NAE1: variants seen among roughly 807,000 people sequenced by gnomAD.
The protein encoded by NAE1 is NEDD8-activating enzyme E1 regulatory subunit.
NAE1 carries 59 observed loss-of-function variants against 88.0 expected under a neutral mutation model. The ratio of observed to expected loss-of-function variants is 0.67; its 90% CI spans 0.54 to 0.83. The LOEUF (loss-of-function observed/expected upper bound fraction) is 0.83. Among genes scored for constraint, NAE1 ranks in the 40% least tolerant of loss-of-function variants. The pLI, the probability that NAE1 is intolerant of heterozygous loss-of-function variation, is 0.00. For missense variants in NAE1, 554 were observed against 632.8 expected, an observed-to-expected ratio of 0.88 and a Z score of 1.34; for synonymous variants, 186 against 208.9, an observed-to-expected ratio of 0.89 and a Z score of 0.95.
chr16:66,826,832 C>G, intron 1 of NAE1, 52 bp from the exon 2 acceptor site: 1 of 1,516,360 alleles, frequency 6.6e-7, no homozygotes, highest in Non-Finnish European at 9.0e-7. Context: ...GAAAATACAG[C>G]TTTCTTATTT....
chr16:66,817,517 A>C (rs773101089), intron 8 of NAE1, 30 bp from the exon 9 acceptor site: 1 of 1,437,994 alleles, frequency 7.0e-7, no homozygotes, highest in East Asian at 2.3e-5. Context: ...AAAAGAAAAT[A>C]TCAGTATTAT....
At chr16:66,826,388 C>G (rs1960463957) in intron 3 of NAE1, 135 bp downstream of exon 3, 2 of 773,958 alleles carry the variant, frequency 2.6e-6, no homozygotes, top group South Asian at 1.7e-5. Context: ...CCTATATTAT[C>G]TCACTTCCTC....
At chr16:66,820,900 C>CAAAA (rs35671399) in intron 7 of NAE1, among the ~76,000 whole-genome samples, 4 of 73,284 alleles carry the variant, frequency 5.5e-5, no homozygotes, top group Non-Finnish European at 5.8e-5. Flanking sequence ...GACTCCGTCT[C>CAAAA]AAAAAAAAAA....
At chr16:66,812,506 CTAAGTTCT>C (rs1567490050) in intron 13 of NAE1, among the ~76,000 whole-genome samples, 2 of 149,838 alleles carry the variant, frequency 1.3e-5, no homozygotes, top group African/African-American at 4.9e-5. Context: ...GAATTGCCCC[CTAAGTTCT>C]TTTTTTTTTT....
rs1346231163 is a variant in NAE1, at chr16:66,805,892, A to G, written c.1445+20T>C. The stretch of plus-strand genomic sequence containing the variant: ...TGACAGGTGTGGAATCATCTCCTAG[A>G]TACCCTAAAAAATACTCACAATTCG... On this transcript the variant is annotated intron_variant, in intron 18 of 19. Transcript: ENST00000290810. 1.9e-6 allele frequency: 3 copies of G among 1,606,128 alleles called. No individual in the cohort carries two copies. The highest frequency in any genetic ancestry group is 2.3e-5 in the South Asian group (2 of 88,864).
chr16:66,809,573 T>C (rs1218046967), intron 15 of NAE1, among the ~76,000 whole-genome samples: 1 of 152,158 alleles, frequency 6.6e-6, no homozygotes, highest in Non-Finnish European at 1.5e-5. Context: ...GAATAATAAA[T>C]GTTCAAATAC....
chr16:66,810,441 T>C, intron 14 of NAE1, 28 bp from the exon 15 acceptor site: 2 of 1,582,902 alleles, frequency 1.3e-6, no homozygotes, highest in South Asian at 1.1e-5. Context: ...CAGATTCTGT[T>C]CCAGTTTAAA....
chr16:66,823,097 A>T, intron 6 of NAE1, 130 bp downstream of exon 6: 2 of 449,968 alleles, frequency 4.4e-6, no homozygotes, highest in Non-Finnish European at 7.4e-6. Context: ...AAAAAAAAAA[A>T]GTTTCATATT....
intron 1 of NAE1, chr16:66,827,787 T>G (rs1230708652): frequency 1.7e-6 from 1 of 575,916 alleles, no homozygotes; most frequent in Admixed American, 3.0e-5. Context: ...TTACCTGATT[T>G]AAAGCAGATT....
intron 19 of NAE1, among the ~76,000 whole-genome samples, chr16:66,804,403 T>C (rs895457247): frequency 3.9e-5 from 6 of 152,248 alleles, no homozygotes; most frequent in Non-Finnish European, 2.9e-5. Context: ...ATTTTGCTAC[T>C]TTGGCACAAG....
intron 1 of NAE1, chr16:66,828,109 T>A: frequency 6.5e-7 from 1 of 1,532,980 alleles, no homozygotes; most frequent in Non-Finnish European, 9.0e-7. Context: ...TAAACGCCTG[T>A]TTTCTCCATC....
chr16:66,814,607 A>AAC (rs1487844768), intron 11 of NAE1, among the ~76,000 whole-genome samples: 2 of 110,870 alleles, frequency 1.8e-5, no homozygotes, highest in Non-Finnish European at 1.8e-5. Flanking sequence ...AAAAAAAAAA[A>AAC]AATACACACA....
intron 1 of NAE1, among the ~76,000 whole-genome samples, chr16:66,829,147 T>C (rs1461867142): frequency 6.6e-6 from 1 of 152,200 alleles, no homozygotes; most frequent in East Asian, 1.9e-4. Flanking sequence ...TGCTTCCCTT[T>C]GACACTTCAA....
chr16:66,821,482 C>T lies in NAE1; in HGVS notation c.479G>A (p.Gly160Asp). ...LLICRTYGLV[G>D]YMRIIIKEHP... is the part of the protein sequence containing the mutation. ...TTCTTTTATAATGATCCTCATATAA[C>T]CAACTAGTCCATATGTCCTACAGAT... The change falls in exon 7 of 20, where the codon GGT becomes GAT. Residue 160 changes from glycine to aspartate, a missense_variant. Coordinates refer to ENST00000290810, the MANE Select transcript of NAE1 (RefSeq NM_003905.4). 1 of 1,597,298 alleles carries T rather than the reference C, an allele frequency of 6.3e-7. No individual in the cohort carries two copies. Among genetic ancestry groups the T allele is most frequent in the Non-Finnish European group, 8.5e-7 (1 of 1,172,830 alleles).
Position 66,816,573 on chromosome 16 carries a change from T to C in NAE1, c.840+8A>G. The C allele has an allele frequency of 6.3e-7, 1 of 1,584,346 alleles. No homozygotes were observed. Among genetic ancestry groups the C allele is most frequent in the Non-Finnish European group, 8.7e-7 (1 of 1,154,100 alleles). Reference sequence around the variant, plus strand: ...TTCATGTGAATCCCTCAGCAACTCTTTCATTACCTGAGTTGTATTTAGTGC... The same window carrying C: ...TTCATGTGAATCCCTCAGCAACTCTCTCATTACCTGAGTTGTATTTAGTGC... On this transcript the variant is annotated splice_region_variant and intron_variant, in intron 11 of 19. Transcript: ENST00000290810.
chr16:66,814,439 G>A (rs1406321909), intron 11 of NAE1, among the ~76,000 whole-genome samples: 1 of 151,674 alleles, frequency 6.6e-6, no homozygotes, highest in Non-Finnish European at 1.5e-5. Context: ...AAACATAAAA[G>A]TAAATTAGCT....
chr16:66,818,818 G>C (rs1396139720), intron 7 of NAE1, among the ~76,000 whole-genome samples, 181 bp from the exon 8 acceptor site: 1 of 152,086 alleles, frequency 6.6e-6, no homozygotes, highest in African/African-American at 2.4e-5. Context: ...CTACAGTCTC[G>C]TGTCACTGTG....
At chr16:66,826,919 T>C in intron 1 of NAE1, 139 bp from the exon 2 acceptor site, 1 of 734,890 alleles carries the variant, frequency 1.4e-6, no homozygotes, top group Non-Finnish European at 2.2e-6. Context: ...GAACAGATAT[T>C]AGTATAGTGA....
In NAE1 at chr16:66,805,784, G is replaced by T. The variant is rs775283205; in HGVS notation, c.1488C>A (p.Phe496Leu). Reference sequence around the variant, plus strand: ...CTCATATATGGAACTCACCCCCCAAGAATGCAGCAATGGTATGTGGCTCAG... The same window carrying T: ...CTCATATATGGAACTCACCCCCCAATAATGCAGCAATGGTATGTGGCTCAG... ...GAAEPHTIAA[F>L]LGGAAAQEVI... The change falls in exon 19 of 20, where the codon TTC (phenylalanine) becomes TTA (leucine). Residue 496 changes from phenylalanine (F) to leucine (L), a missense_variant. Physicochemically the swap from Phe to Leu is conservative, Grantham distance 22 (BLOSUM62 0). Coordinates refer to ENST00000290810, the MANE Select transcript of NAE1 (RefSeq NM_003905.4). 2.7e-6 allele frequency: 4 copies of T among 1,497,570 alleles called. No individual in the cohort carries two copies. The highest frequency in any genetic ancestry group is 1.4e-5 in the African/African-American group (1 of 70,606). The allele number at this position is 1,497,570 out of a possible 1,614,324, so 92.8% of individuals were successfully genotyped here. A position where few individuals can be genotyped will look rare whatever the true frequency, so the allele number is the denominator to read the frequency against.
Sources: allele counts gnomAD v4.1 joint callset (sites outside exome capture counted in the v4.1 genomes callset), GRCh38; gene constraint gnomAD v4.1.1; transcripts MANE v1.5; gene names NCBI Gene and HGNC (gene_info 2026-07-23, HGNC 2026-07-21).